Variants in EIF4G3 observed in about 807,000 individuals in gnomAD.
EIF4G3 encodes the protein eukaryotic translation initiation factor 4 gamma 3.
Under a neutral mutation model 186.4 loss-of-function variants are expected in EIF4G3, and 34 were observed. The ratio of observed to expected loss-of-function variants is 0.18; its 90% CI spans 0.14 to 0.24. The LOEUF (loss-of-function observed/expected upper bound fraction) is 0.24, where lower values mean the gene tolerates loss of function less well. Ranked by LOEUF, EIF4G3 falls within the 10% of genes least tolerant of loss-of-function variation. The probability of loss-of-function intolerance (pLI) is 1.00; values close to 1 mark genes in which losing one functional copy is unlikely to be tolerated. For synonymous variants in EIF4G3, 673 were observed against 679.5 expected (o/e 0.99, Z 0.15); for missense variants, 1,536 against 1,948.5 (o/e 0.79, Z 3.99).
At chr1:20,815,810 C>T (rs1449868009) in intron 34 of EIF4G3, among the ~76,000 whole-genome samples, 2 of 132,044 alleles carry the variant, frequency 1.5e-5, no homozygotes, top group African/African-American at 5.7e-5. Flanking sequence ...GGCCAGCCGC[C>T]CAGTCCGGGA....
chr1:21,132,363 TTAAA>T (rs2097168083), intron 2 of EIF4G3, among the ~76,000 whole-genome samples: 1 of 152,064 alleles, frequency 6.6e-6, no homozygotes, highest in Non-Finnish European at 1.5e-5. Context: ...AAAAAGAAAA[TTAAA>T]TAAGCCTAGG....
intron 8 of EIF4G3, among the ~76,000 whole-genome samples, chr1:20,981,520 C>T (rs1481000060): frequency 3.0e-5 from 2 of 66,008 alleles, no homozygotes; most frequent in African/African-American, 5.3e-5. Flanking sequence ...TGTATATATA[C>T]ATACATACAT....
intron 4 of EIF4G3, among the ~76,000 whole-genome samples, chr1:21,014,992 T>G (rs535191964): frequency 6.8e-6 from 1 of 147,276 alleles, no homozygotes; most frequent in Admixed American, 6.8e-5. Context: ...AGAAAGGTGG[T>G]GGGGGGGAGG....
rs748416093 is a variant in EIF4G3 at position 20,860,376 on chromosome 1, C to T, written c.3244+9G>A. ...AAGTTCTCTAAACCCTGGTGGATTCCGGCCTCACCTGGTCTTCTCTTCTCT... is the reference window on the plus strand; with the variant it reads ...AAGTTCTCTAAACCCTGGTGGATTCTGGCCTCACCTGGTCTTCTCTTCTCT... On this transcript the variant is annotated intron_variant, in intron 24 of 36. Coordinates refer to ENST00000602326, the MANE Select transcript of EIF4G3 (RefSeq NM_001391906.1). 4.3e-6 allele frequency: 7 copies of T among 1,613,726 alleles called. No homozygotes were observed. Among genetic ancestry groups the T allele is most frequent in the East Asian group, 2.2e-5 (1 of 44,860 alleles).
At chr1:21,061,953 G>A (rs548249510) in intron 3 of EIF4G3, among the ~76,000 whole-genome samples, 174 of 151,676 alleles carry the variant, frequency 1.1e-3, no homozygotes, top group African/African-American at 4.1e-3. Flanking sequence ...CACCATGTTG[G>A]CCAGGCTGGT....
intron 33 of EIF4G3, among the ~76,000 whole-genome samples, chr1:20,818,973 T>C (rs1192696455): frequency 6.6e-6 from 1 of 152,186 alleles, no homozygotes; most frequent in East Asian, 1.9e-4. Context: ...TCTCACTATG[T>C]TGCCAAGTTG....
chr1:21,158,164 C>T lies in EIF4G3; in HGVS notation c.-272+18011G>A, dbSNP rs1019633450. ...GCCTAAACTCTCTCTTTAACAAATA[C>T]ATAGCTTTTTTTTTTTTTTTTTTTT... On this transcript the variant is annotated intron_variant, in intron 2 of 36. Coordinates refer to ENST00000602326, the MANE Select transcript of EIF4G3 (RefSeq NM_001391906.1). Among the ~76,000 whole-genome samples, 10 of 144,968 alleles carry T rather than the reference C, an allele frequency of 6.9e-5. 1 individual carries two copies. The highest frequency in any genetic ancestry group is 6.2e-4 in the Admixed American group (9 of 14,602).
chr1:20,841,993 C>A (rs1244876978), intron 29 of EIF4G3, among the ~76,000 whole-genome samples: 1 of 151,302 alleles, frequency 6.6e-6, no homozygotes, highest in South Asian at 2.1e-4. Context: ...TTCCTCCCTG[C>A]TCCTTTATTT....
chr1:21,106,301 G>T (rs1439846542), intron 2 of EIF4G3, among the ~76,000 whole-genome samples: 1 of 151,828 alleles, frequency 6.6e-6, no homozygotes, highest in South Asian at 2.1e-4. Context: ...AGAGAGGAAA[G>T]AAAAAAAGCT....
In EIF4G3 at chr1:21,075,570, C is replaced by CAAAAAAAAAAA. The variant is rs55649192; in HGVS notation, c.-196+13557_-196+13567dup. Among the ~76,000 whole-genome samples, 32 of 51,552 alleles carry CAAAAAAAAAAA rather than the reference C, an allele frequency of 6.2e-4. 1 individual carries two copies. Among genetic ancestry groups the CAAAAAAAAAAA allele is most frequent in the African/African-American group, 1.1e-3 (11 of 10,112 alleles). 33.8% of individuals were successfully genotyped at this position (51,552 alleles called of 152,430 possible). A position where few individuals can be genotyped will look rare whatever the true frequency, so the allele number is the denominator to read the frequency against. Reference sequence around the variant, plus strand: ...GGCAACAGAGTGAGACTCCAACTCACAAAAAAAAAAAAAAAAAAAAAAAAA... The same window carrying CAAAAAAAAAAA: ...GGCAACAGAGTGAGACTCCAACTCACAAAAAAAAAAAAAAAAAAAAAAAAAAAAAAAAAAAA... On this transcript the variant is annotated intron_variant, in intron 3 of 36. Transcript: ENST00000602326.
chr1:20,895,538 G>A (rs1345579356), intron 16 of EIF4G3, 37 bp from the exon 17 acceptor site: 1 of 1,605,856 alleles, frequency 6.2e-7, no homozygotes. Flanking sequence ...TGTTTGTAGG[G>A]CATTATATAC....
chr1:20,818,378 C>G (rs2061554764), intron 33 of EIF4G3, among the ~76,000 whole-genome samples: 1 of 152,150 alleles, frequency 6.6e-6, no homozygotes, highest in South Asian at 2.1e-4. Flanking sequence ...GTGGCTCACA[C>G]CAGTAATCCC....
At chr1:20,843,887 A>G (rs1571491641) in intron 29 of EIF4G3, among the ~76,000 whole-genome samples, 1 of 152,152 alleles carries the variant, frequency 6.6e-6, no homozygotes, top group Non-Finnish European at 1.5e-5. Context: ...GTTTCCACTT[A>G]TAAGTGAGAA....
chr1:21,038,351 A>G (rs559238619), intron 4 of EIF4G3, among the ~76,000 whole-genome samples: 117 of 152,342 alleles, frequency 7.7e-4, no homozygotes, highest in Non-Finnish European at 1.4e-3. Flanking sequence ...AATTCCCAAC[A>G]AAAGTATTCT....
chr1:20,842,772 CCTT>C (rs1271549904), intron 29 of EIF4G3, among the ~76,000 whole-genome samples: 4 of 152,066 alleles, frequency 2.6e-5, no homozygotes, highest in African/African-American at 9.7e-5. Flanking sequence ...TACCACTCAT[CCTT>C]CTTATTTCCA....
At chr1:20,940,169 T>A (rs569464761) in intron 14 of EIF4G3, among the ~76,000 whole-genome samples, 3 of 152,250 alleles carry the variant, frequency 2.0e-5, no homozygotes, top group Middle Eastern at 3.4e-3. Flanking sequence ...AGGCTGTTTT[T>A]CTAAAGGGTA....
At chr1:21,013,880 T>C (rs1037533640) in intron 4 of EIF4G3, among the ~76,000 whole-genome samples, 5 of 152,236 alleles carry the variant, frequency 3.3e-5, no homozygotes, top group Middle Eastern at 3.4e-3. Flanking sequence ...TCATAAAGTA[T>C]AGAAATAGGC....
intron 18 of EIF4G3, among the ~76,000 whole-genome samples, chr1:20,892,410 A>G (rs2086400613): frequency 6.6e-6 from 1 of 152,370 alleles, no homozygotes; most frequent in East Asian, 1.9e-4. Flanking sequence ...GTGCCCCAGC[A>G]TAACTCCACT....
At chr1:21,095,147 C>T (rs1291446302) in intron 2 of EIF4G3, among the ~76,000 whole-genome samples, 1 of 152,128 alleles carries the variant, frequency 6.6e-6, no homozygotes, top group East Asian at 1.9e-4. Context: ...CACCCTTAAT[C>T]AAACACATTA....
Sources: allele counts gnomAD v4.1 joint callset (sites outside exome capture counted in the v4.1 genomes callset), GRCh38; gene constraint gnomAD v4.1.1; transcripts MANE v1.5; gene names NCBI Gene and HGNC (gene_info 2026-07-23, HGNC 2026-07-21).